The following HDAC9 variants were observed in gnomAD, a reference collection of about 807,000 sequenced individuals.
The protein encoded by HDAC9 is MEF-2 interacting transcription repressor (MITR) protein.
HDAC9 carries 41 observed loss-of-function variants against 139.4 expected under a neutral mutation model. The observed-to-expected ratio is 0.29, with a 90% CI of 0.23 to 0.38. HDAC9 has a LOEUF of 0.38. Ranked by LOEUF, HDAC9 falls within the 10% of genes least tolerant of loss-of-function variation. The probability of loss-of-function intolerance (pLI) is 1.00; values close to 1 mark genes in which losing one functional copy is unlikely to be tolerated. For missense variants in HDAC9, 1,147 were observed against 1,297.0 expected, an observed-to-expected ratio of 0.88 and a Z score of 1.78; for synonymous variants, 517 against 476.2, an observed-to-expected ratio of 1.09 and a Z score of -1.12.
rs533395298 is a variant in HDAC9, at chr7:18,299,182, T to A, written c.-42+8667T>A. On this transcript the variant is annotated intron_variant, in intron 1 of 3. Coordinates refer to the HDAC9 transcript ENST00000413509. ...GTAAGATTTTTTTAAAAATTTATTT[T>A]AAAAAGTGATTAGCACCTTGGCTGT... Among the ~76,000 whole-genome samples the A allele has an allele frequency of 5.3e-5, 8 of 151,980 alleles. No individual in the cohort carries two copies. In the East Asian group the frequency reaches 1.2e-3, roughly 22 times the overall value.
At chr7:18,821,169 G>A (rs116746202) in intron 17 of HDAC9, among the ~76,000 whole-genome samples, 1,688 of 152,322 alleles carry the variant, frequency 0.011, 35 homozygotes, top group African/African-American at 0.038. Flanking sequence ...TTTTATAATG[G>A]CCTTATCCGA....
intron 17 of HDAC9, among the ~76,000 whole-genome samples, chr7:18,809,456 C>T (rs367839408): frequency 2.0e-5 from 3 of 152,020 alleles, no homozygotes; most frequent in Middle Eastern, 3.4e-3. Context: ...AGGTTAATGT[C>T]CACATTATAT....
At chr7:18,668,591 G>T in intron 12 of HDAC9, 1 of 981,148 alleles carries the variant, frequency 1.0e-6, no homozygotes, top group African/African-American at 1.7e-5. Context: ...GTTGGTGGAC[G>T]TTAATTGTTT....
In HDAC9 at chr7:18,374,141, G is replaced by A. The variant is rs12666724; in HGVS notation, c.-42+83626G>A. Among the ~76,000 whole-genome samples the A allele has an allele frequency of 5.5e-3, 812 of 148,780 alleles. 22 individuals are homozygous for A. The East Asian group carries it at 0.086, about 16-fold the overall frequency. ...TATATCATAAAAATATAGCTTAACC[G>A]TATCATATATACTAGATATATGTAG... On this transcript the variant is annotated intron_variant, in intron 1 of 3. Transcript: ENST00000413509.
chr7:18,631,924 C>T (rs1010678766), intron 7 of HDAC9, among the ~76,000 whole-genome samples: 10 of 151,864 alleles, frequency 6.6e-5, no homozygotes, highest in Admixed American at 3.9e-4. Context: ...GTAGTTGTTG[C>T]CCTGAATTCT....
At chr7:18,574,111 G>A (rs746132757) in intron 2 of HDAC9, among the ~76,000 whole-genome samples, 1 of 152,242 alleles carries the variant, frequency 6.6e-6, no homozygotes, top group Non-Finnish European at 1.5e-5. Context: ...ACCCAAAGTG[G>A]GCAGCTCCTT....
At chr7:18,969,813 A>G (rs1784133064) in intron 24 of HDAC9, among the ~76,000 whole-genome samples, 1 of 152,216 alleles carries the variant, frequency 6.6e-6, no homozygotes, top group Admixed American at 6.5e-5. Flanking sequence ...AATTTTGAAG[A>G]GTCAAAAACA....
intron 2 of HDAC9, among the ~76,000 whole-genome samples, chr7:18,545,636 C>A (rs1396727780): frequency 1.3e-5 from 2 of 152,148 alleles, no homozygotes; most frequent in Non-Finnish European, 2.9e-5. Context: ...TACTTTATAT[C>A]TGCAGCACCC....
At chr7:18,619,744 T>C (rs1367280886) in intron 6 of HDAC9, among the ~76,000 whole-genome samples, 1 of 152,188 alleles carries the variant, frequency 6.6e-6, no homozygotes, top group Non-Finnish European at 1.5e-5. Flanking sequence ...TTGATATTTA[T>C]CTTTGAAGTT....
At chr7:18,732,812 CACACGT>C (rs1786321743) in intron 13 of HDAC9, among the ~76,000 whole-genome samples, 1 of 91,608 alleles carries the variant, frequency 1.1e-5, no homozygotes, top group South Asian at 3.6e-4. Context: ...TATGTGTACA[CACACGT>C]GTGTATGTGT....
upstream of HDAC9, among the ~76,000 whole-genome samples, chr7:18,286,164 T>G (rs938175730): frequency 2.0e-5 from 3 of 152,030 alleles, no homozygotes; most frequent in African/African-American, 7.2e-5. Flanking sequence ...GAACTCAAGC[T>G]CTAGTCAGCA....
chr7:18,851,603 T>C (rs1031800596), intron 21 of HDAC9, among the ~76,000 whole-genome samples: 1 of 152,178 alleles, frequency 6.6e-6, no homozygotes, highest in Non-Finnish European at 1.5e-5. Flanking sequence ...TCTTAGTAAT[T>C]ATCGTCTTTT....
At chr7:18,695,696 T>C (rs984560137) in intron 12 of HDAC9, among the ~76,000 whole-genome samples, 3 of 152,178 alleles carry the variant, frequency 2.0e-5, no homozygotes, top group African/African-American at 7.2e-5. Context: ...TTTATGAGTG[T>C]CCAACAGGAG....
chr7:18,410,223 C>T (rs1188723631), intron 1 of HDAC9, among the ~76,000 whole-genome samples: 4 of 152,034 alleles, frequency 2.6e-5, no homozygotes, highest in African/African-American at 7.3e-5. Flanking sequence ...AACCTATGGT[C>T]AGGGTGATGG....
At chr7:18,180,263 A>ACCCC (rs1554322970) in intron 2 of HDAC9, among the ~76,000 whole-genome samples, 156 of 149,656 alleles carry the variant, frequency 1.0e-3, no homozygotes, top group Non-Finnish European at 1.2e-3. Flanking sequence ...ACACACACAC[A>ACCCC]CACACACACA....
chr7:18,131,740 G>C (rs1288375308), intron 1 of HDAC9, among the ~76,000 whole-genome samples: 1 of 152,114 alleles, frequency 6.6e-6, no homozygotes, highest in Admixed American at 6.6e-5. Flanking sequence ...GAGGCGGTGA[G>C]AGCCTCAGTG....
At chr7:18,266,107 T>C (rs537239986) in intron 2 of HDAC9, among the ~76,000 whole-genome samples, 2 of 152,272 alleles carry the variant, frequency 1.3e-5, no homozygotes, top group South Asian at 2.1e-4. Context: ...TTGGAAAAAA[T>C]GTGTGTCACT....
chr7:18,657,940 C>A (rs556166576), intron 11 of HDAC9, among the ~76,000 whole-genome samples: 23 of 152,064 alleles, frequency 1.5e-4, no homozygotes, highest in Non-Finnish European at 2.9e-4. Flanking sequence ...AGGCTCCAGC[C>A]ACACTGGCCC....
intron 8 of HDAC9, among the ~76,000 whole-genome samples, chr7:18,640,371 A>T (rs1785199238): frequency 6.6e-6 from 1 of 150,506 alleles, no homozygotes; most frequent in Non-Finnish European, 1.5e-5. Context: ...AAAAAAAAAA[A>T]AAAAAAAAAA....
Sources: allele counts gnomAD v4.1 joint callset (sites outside exome capture counted in the v4.1 genomes callset), GRCh38; gene constraint gnomAD v4.1.1; transcripts MANE v1.5; gene names NCBI Gene and HGNC (gene_info 2026-07-23, HGNC 2026-07-21).